The following CD163L1 variants were observed in gnomAD, a reference collection of about 807,000 sequenced individuals.
CD163L1 encodes scavenger receptor cysteine-rich type 1 protein M160.
CD163L1 carries 124 observed loss-of-function variants against 165.4 expected under a neutral mutation model. The observed-to-expected ratio is 0.75, with a 90% CI of 0.65 to 0.87. The LOEUF (loss-of-function observed/expected upper bound fraction) is 0.87. Among genes scored for constraint, CD163L1 ranks in the 40% least tolerant of loss-of-function variants. CD163L1 has a pLI of 0.00. For missense variants in CD163L1, 1,525 were observed against 1,799.9 expected, an observed-to-expected ratio of 0.85 and a Z score of 2.76; for synonymous variants, 585 against 662.2, an observed-to-expected ratio of 0.88 and a Z score of 1.79.
chr12:7,325,781 A>G, the CD163L1 span, among the ~76,000 whole-genome samples: 1 of 152,226 alleles, frequency 6.6e-6, no homozygotes, highest in Non-Finnish European at 1.5e-5. Flanking sequence ...CCCTATTTTC[A>G]TAATTGCTTT....
chr12:7,396,548 G>A (rs1947780620), intron 7 of CD163L1, 133 bp from the exon 8 acceptor site: 1 of 856,008 alleles, frequency 1.2e-6, no homozygotes, highest in African/African-American at 1.7e-5. Flanking sequence ...TATTTTTTCA[G>A]ATGTGATTAA....
At chr12:7,434,947 T>A (rs1948695944) in intron 2 of CD163L1, among the ~76,000 whole-genome samples, 1 of 152,184 alleles carries the variant, frequency 6.6e-6, no homozygotes, top group African/African-American at 2.4e-5. Context: ...CTTTCTCAGT[T>A]CCTAGTGCTG....
downstream of CD163L1, among the ~76,000 whole-genome samples, chr12:7,350,448 T>C (rs888148450): frequency 1.3e-5 from 2 of 152,114 alleles, no homozygotes; most frequent in African/African-American, 4.8e-5. Context: ...TACAGTTACG[T>C]GGTTGGTTAT....
intron 18 of CD163L1, among the ~76,000 whole-genome samples, chr12:7,359,082 A>G (rs1316635408): frequency 6.6e-6 from 1 of 152,126 alleles, no homozygotes; most frequent in Non-Finnish European, 1.5e-5. Flanking sequence ...GACAGAACAG[A>G]ATATCCAAAA....
chr12:7,369,530 C>A lies in CD163L1; in HGVS notation c.3866G>T (p.Cys1289Phe). ...CCTCAGGGCAGCCAGAGCAGAGCCACAGCCCAGCTGCTGACACACCACTTC... is the reference window on the plus strand; with the variant it reads ...CCTCAGGGCAGCCAGAGCAGAGCCAAAGCCCAGCTGCTGACACACCACTTC... ...EAEVVCQQLG[C>F]GSALAALRDA... Residue 1289 changes from cysteine (C) to phenylalanine (F), a missense_variant, in exon 15 of 20, where the codon TGT (cysteine) becomes TTT (phenylalanine). Cys to Phe is a radical substitution (Grantham distance 205, BLOSUM62 -2). Transcript: ENST00000313599. This position sits in a 1 kb window ranked among gnomAD's most constrained non-coding sequence, Gnocchi z 4.9. 6.2e-7 allele frequency: 1 copy of A among 1,614,206 alleles called. No homozygotes were observed. Among genetic ancestry groups the A allele is most frequent in the Non-Finnish European group, 8.5e-7 (1 of 1,180,040 alleles).
intron 5 of CD163L1, 73 bp downstream of exon 5, chr12:7,406,459 T>C: frequency 2.1e-6 from 3 of 1,450,750 alleles, no homozygotes; most frequent in Non-Finnish European, 1.9e-6. Flanking sequence ...TGGTTGTAAC[T>C]TTTTCAGGGT....
chr12:7,328,453 C>G, the CD163L1 span: 14 of 1,105,766 alleles, frequency 1.3e-5, no homozygotes, highest in African/African-American at 1.6e-5. Flanking sequence ...AGCGACTACT[C>G]TCTTAAAATG....
chr12:7,370,396 T>A (rs1295832464), intron 14 of CD163L1, among the ~76,000 whole-genome samples: 4 of 152,214 alleles, frequency 2.6e-5, no homozygotes, highest in Non-Finnish European at 5.9e-5. Flanking sequence ...TTTATTATTT[T>A]GTTAAATGTT....
Position 7,400,315 on chromosome 12 carries a change from A to T in CD163L1, c.1409-1731T>A, listed in dbSNP as rs1193818718. Among the ~76,000 whole-genome samples the T allele has an allele frequency of 6.6e-6, 1 of 152,174 alleles. No homozygotes were observed. Among genetic ancestry groups the T allele is most frequent in the African/African-American group, 2.4e-5 (1 of 41,438 alleles). ...GTTAAATGTGTGGGGGTATGAACAG[A>T]TATATGACGCATGTATATATAATAT... On this transcript the variant is annotated intron_variant, in intron 6 of 19. Coordinates refer to ENST00000313599, the MANE Select transcript of CD163L1 (RefSeq NM_174941.6). The surrounding 1 kb of genome is among the most constrained non-coding windows in gnomAD (Gnocchi z 4.1).
chr12:7,421,012 T>G (rs190373220), intron 4 of CD163L1, among the ~76,000 whole-genome samples: 25 of 110,022 alleles, frequency 2.3e-4, no homozygotes, highest in Non-Finnish European at 3.4e-4. Flanking sequence ...TATATATACG[T>G]GTATATATAT....
chr12:7,440,634 T>C (rs1260670917), intron 2 of CD163L1, among the ~76,000 whole-genome samples: 1 of 150,362 alleles, frequency 6.7e-6, no homozygotes, highest in Non-Finnish European at 1.5e-5. Context: ...TTTTTCTTTT[T>C]TTTTTTTTTT....
chr12:7,444,041 T>G lies in CD163L1; in HGVS notation c.31+56A>C, dbSNP rs1041067928. 9 of 1,499,940 alleles carry G rather than the reference T, an allele frequency of 6.0e-6. No individual in the cohort carries two copies. In the African/African-American group the frequency reaches 1.2e-4, roughly 21 times the overall value. The allele number at this position is 1,499,940 out of a possible 1,614,324, so 92.9% of individuals were successfully genotyped here. On this transcript the variant is annotated intron_variant, in intron 1 of 19. Transcript: ENST00000313599. ...TATATCTGTTTGTTGTTACACATAT[T>G]CTTAGTATACCCACCATCTCCCAAA...
chr12:7,336,788 T>C, the CD163L1 span, among the ~76,000 whole-genome samples: 1 of 152,082 alleles, frequency 6.6e-6, no homozygotes, highest in Non-Finnish European at 1.5e-5. Context: ...CAAGCTACTA[T>C]TGACTTTCTT....
intron 11 of CD163L1, 117 bp from the exon 12 acceptor site, chr12:7,375,040 G>T (rs182775744): frequency 2.0e-6 from 2 of 1,002,702 alleles, no homozygotes; most frequent in African/African-American, 1.6e-5. Context: ...AAACCCTGTC[G>T]TCTATTGAAA....
At chr12:7,333,997 A>C in the CD163L1 span, among the ~76,000 whole-genome samples, 1 of 152,130 alleles carries the variant, frequency 6.6e-6, no homozygotes, top group Non-Finnish European at 1.5e-5. Flanking sequence ...GGCAATAATT[A>C]ATAGCTTACC....
At chr12:7,335,899 AT>A in the CD163L1 span, among the ~76,000 whole-genome samples, 89 of 149,008 alleles carry the variant, frequency 6.0e-4, no homozygotes, top group African/African-American at 2.0e-3. Flanking sequence ...CAAAAAACAC[AT>A]GAAAAAATGC....
chr12:7,325,445 G>A, the CD163L1 span, among the ~76,000 whole-genome samples: 329 of 152,272 alleles, frequency 2.2e-3, 1 homozygote, highest in African/African-American at 7.5e-3. Context: ...TCAGGAGTTC[G>A]AGACCAGCCT....
chr12:7,437,212 T>TTTTAATAGTA (rs1948730839), intron 2 of CD163L1, among the ~76,000 whole-genome samples: 2 of 29,914 alleles, frequency 6.7e-5, no homozygotes, highest in Admixed American at 4.5e-4. Context: ...TACTTTTTTA[T>TTTTAATAGTA]TTTAATAGTA....
the CD163L1 span, among the ~76,000 whole-genome samples, chr12:7,333,278 A>T: frequency 3.5e-3 from 533 of 152,354 alleles, 4 homozygotes; most frequent in East Asian, 0.016. Flanking sequence ...AACAAAAATT[A>T]TAACAAACTG....
Sources: gnomAD v4.1 joint callset for allele counts (sites outside exome capture counted in the v4.1 genomes callset) on GRCh38, gnomAD v4.1.1 for gene constraint, Gnocchi (gnomAD v3.1) non-coding constraint, MANE v1.5 for transcripts, NCBI Gene and HGNC (gene_info 2026-07-23, HGNC 2026-07-21) for gene names.